The following CLVS1 variants were observed in gnomAD, a reference collection of about 807,000 sequenced individuals.
CLVS1 encodes clavesin-1.
A neutral mutation model predicts 33.1 loss-of-function variants in CLVS1; 10 were observed. That is an observed-to-expected ratio of 0.30 (90% CI 0.19 to 0.51). The LOEUF (loss-of-function observed/expected upper bound fraction) is 0.51. Ranked by LOEUF, CLVS1 falls within the 20% of genes least tolerant of loss-of-function variation. The pLI, the probability that CLVS1 is intolerant of heterozygous loss-of-function variation, is 0.97. For missense variants in CLVS1, 343 were observed against 433.4 expected (o/e 0.79, Z 1.85); for synonymous variants, 163 against 166.1 (o/e 0.98, Z 0.14).
chr8:61,181,321 G>A (rs1235000170), intron 2 of CLVS1, among the ~76,000 whole-genome samples: 1 of 152,058 alleles, frequency 6.6e-6, no homozygotes, highest in Non-Finnish European at 1.5e-5. Context: ...ACTGCTCAAG[G>A]AAATAAGAGA....
In CLVS1 at chr8:61,501,056, T is replaced by TA. The variant is rs1414391512; in HGVS notation, c.*1519dup. The TA allele has an allele frequency of 6.6e-6, 1 of 152,080 alleles. No individual in the cohort carries two copies. Among genetic ancestry groups the TA allele is most frequent in the African/African-American group, 2.4e-5 (1 of 41,370 alleles). 9.4% of individuals were successfully genotyped at this position (152,080 alleles called of 1,614,324 possible). ...TGGAGAAATAAAGTTGAAACAGAAT[T>TA]AAAAATATTTCTCAAACAACTGTAT... On this transcript the variant is annotated 3_prime_UTR_variant, in exon 6 of 6. Coordinates refer to ENST00000325897, the MANE Select transcript of CLVS1 (RefSeq NM_173519.3).
At chr8:61,106,100 A>G (rs1255033190) in intron 1 of CLVS1, among the ~76,000 whole-genome samples, 1 of 152,176 alleles carries the variant, frequency 6.6e-6, no homozygotes, top group Admixed American at 6.5e-5. Context: ...AGATTCCGCC[A>G]CGTCTTCCTC....
the CLVS1 span, among the ~76,000 whole-genome samples, chr8:61,003,775 A>G: frequency 1.3e-5 from 2 of 152,354 alleles, no homozygotes; most frequent in South Asian, 2.1e-4. Context: ...ACAGATATGT[A>G]TGACATACCT....
intron 1 of CLVS1, among the ~76,000 whole-genome samples, chr8:61,076,906 C>G (rs1422581860): frequency 1.3e-5 from 2 of 152,192 alleles, no homozygotes; most frequent in Non-Finnish European, 2.9e-5. Context: ...TTCCTCCCTG[C>G]AAGTCCCCGG....
intron 2 of CLVS1, among the ~76,000 whole-genome samples, chr8:61,262,532 C>T (rs2129592294): frequency 6.6e-6 from 1 of 152,198 alleles, no homozygotes; most frequent in South Asian, 2.1e-4. Flanking sequence ...CCAGGCCCAT[C>T]TGATAAGAAT....
chr8:60,983,530 C>CT, the CLVS1 span, among the ~76,000 whole-genome samples: 1 of 152,158 alleles, frequency 6.6e-6, no homozygotes, highest in African/African-American at 2.4e-5. Context: ...ATCATCTGTC[C>CT]TAGACACTAA....
intron 2 of CLVS1, among the ~76,000 whole-genome samples, chr8:61,251,541 C>T (rs1808948830): frequency 1.3e-5 from 2 of 152,074 alleles, no homozygotes; most frequent in Admixed American, 1.3e-4. Context: ...TCTGTCTGGT[C>T]CTGGGCTTTT....
chr8:61,333,113 C>T (rs1811662350), intron 2 of CLVS1, among the ~76,000 whole-genome samples: 5 of 152,152 alleles, frequency 3.3e-5, no homozygotes, highest in Admixed American at 3.3e-4. Flanking sequence ...TTTTCCACTT[C>T]TTTTCATATG....
At chr8:61,406,898 C>G (rs970659223) in intron 3 of CLVS1, among the ~76,000 whole-genome samples, 1 of 152,078 alleles carries the variant, frequency 6.6e-6, no homozygotes, top group Admixed American at 6.6e-5. Flanking sequence ...TGCGAGCTGC[C>G]GCGCCAGGCC....
At chr8:61,477,420 A>C (rs1323359308) in intron 5 of CLVS1, among the ~76,000 whole-genome samples, 1 of 152,092 alleles carries the variant, frequency 6.6e-6, no homozygotes, top group African/African-American at 2.4e-5. Context: ...CTGTGAATCC[A>C]TCTGGTCCTG....
At chr8:61,491,103 G>A (rs1302710750) in intron 5 of CLVS1, among the ~76,000 whole-genome samples, 1 of 152,174 alleles carries the variant, frequency 6.6e-6, no homozygotes, top group East Asian at 1.9e-4. Context: ...GGAAGTTAAA[G>A]CAAATGTTGA....
At chr8:61,324,432 G>A (rs1165220057) in intron 2 of CLVS1, among the ~76,000 whole-genome samples, 1 of 152,126 alleles carries the variant, frequency 6.6e-6, no homozygotes, top group Non-Finnish European at 1.5e-5. Context: ...ATGTGGAACT[G>A]TAAGTCCAAT....
intron 2 of CLVS1, among the ~76,000 whole-genome samples, chr8:61,191,156 A>G (rs1168587645): frequency 6.6e-6 from 1 of 152,248 alleles, no homozygotes; most frequent in Non-Finnish European, 1.5e-5. Context: ...ATCCAGCAAT[A>G]CATCAAAAAG....
intron 2 of CLVS1, among the ~76,000 whole-genome samples, chr8:61,246,045 T>A (rs1416331133): frequency 6.6e-6 from 1 of 151,998 alleles, no homozygotes; most frequent in African/African-American, 2.4e-5. Flanking sequence ...GTTTTGGGAT[T>A]ATAGGTGTGA....
rs1216860502 is a variant in CLVS1, at chr8:61,501,542, GTGACATGAATGT to G, written c.*2002_*2013del. The G allele has an allele frequency of 6.6e-6, 1 of 152,150 alleles. No homozygotes were observed. The highest frequency in any genetic ancestry group is 1.5e-5 in the Non-Finnish European group (1 of 68,016). 9.4% of individuals were successfully genotyped at this position (152,150 alleles called of 1,614,324 possible). ...TACATATGAGAACCAAATTCAACAA[GTGACATGAATGT>G]TACTACATGAACATTGAATTGTATT... On this transcript the variant is annotated 3_prime_UTR_variant, in exon 6 of 6. Transcript: ENST00000325897.
chr8:61,329,634 T>G (rs1483974151), intron 2 of CLVS1, among the ~76,000 whole-genome samples: 2 of 152,220 alleles, frequency 1.3e-5, no homozygotes, highest in East Asian at 3.8e-4. Flanking sequence ...AGTACATCTA[T>G]TATGTATCAA....
the CLVS1 span, among the ~76,000 whole-genome samples, chr8:61,039,423 G>A: frequency 1.3e-5 from 2 of 152,232 alleles, no homozygotes; most frequent in Non-Finnish European, 2.9e-5. Flanking sequence ...CCTGTCCAGA[G>A]CACACAGGCT....
chr8:61,118,288 G>A (rs577689997), intron 1 of CLVS1, among the ~76,000 whole-genome samples: 20 of 152,060 alleles, frequency 1.3e-4, no homozygotes, highest in South Asian at 1.0e-3. Context: ...TCTTGCTAGC[G>A]GTCTATCAGT....
intron 2 of CLVS1, among the ~76,000 whole-genome samples, chr8:61,335,054 G>A (rs750969654): frequency 2.0e-5 from 3 of 152,178 alleles, no homozygotes; most frequent in Non-Finnish European, 4.4e-5. Flanking sequence ...GTCTTCTTGC[G>A]CTGAGTCAGT....
Sources: allele counts gnomAD v4.1 joint callset (sites outside exome capture counted in the v4.1 genomes callset), GRCh38; gene constraint gnomAD v4.1.1; transcripts MANE v1.5; gene names NCBI Gene and HGNC (gene_info 2026-07-23, HGNC 2026-07-21).